Variants in AFF2 observed in about 807,000 individuals in gnomAD.
AFF2 encodes the protein ALF transcription elongation factor 2.
In AFF2, 14 loss-of-function variants were observed where a neutral mutation model predicts 76.9. The observed-to-expected ratio is 0.18, with a 90% CI of 0.12 to 0.28. The LOEUF (loss-of-function observed/expected upper bound fraction) is 0.28, where lower values mean the gene tolerates loss of function less well. AFF2 is among the 10% of genes least tolerant of loss of function. The pLI, the probability that AFF2 is intolerant of heterozygous loss-of-function variation, is 1.00. For synonymous variants in AFF2, 398 were observed against 366.7 expected (o/e 1.09, Z -0.98); for missense variants, 868 against 1,001.1 (o/e 0.87, Z 1.79).
chrX:148,871,786 C>T, intron 7 of AFF2, among the ~76,000 whole-genome samples: 1 of 111,567 alleles, frequency 9.0e-6, no homozygotes. Context: ...ATCCAGACAG[C>T]TGTCTCTTTA....
rs1557243811 is a variant in AFF2 at position 148,578,333 on chromosome X, T to A, written c.48-73666T>A. Among the ~76,000 whole-genome samples, 3 of 111,364 alleles carry A rather than the reference T, an allele frequency of 2.7e-5. No homozygotes were observed. In the South Asian group the frequency reaches 1.1e-3, roughly 42 times the overall value. On this transcript the variant is annotated intron_variant, in intron 1 of 20. Transcript: ENST00000370460. ...TGATAACTTCCCAGCATCCTTCTTC[T>A]GCCTCATCATTTTTCTAGATTATTT...
intron 1 of AFF2, among the ~76,000 whole-genome samples, chrX:148,532,171 A>G (rs782634442): frequency 1.8e-5 from 2 of 112,226 alleles, no homozygotes; most frequent in East Asian, 5.6e-4. Flanking sequence ...TTGCTAACAG[A>G]CCGTACTGTT....
chrX:148,568,567 A>G (rs782227608), intron 1 of AFF2, among the ~76,000 whole-genome samples: 5 of 112,131 alleles, frequency 4.5e-5, no homozygotes, highest in South Asian at 3.7e-4. Flanking sequence ...ATTTTGCTTC[A>G]ACCTGACATG....
chrX:148,796,480 A>G (rs1276432033), intron 3 of AFF2, among the ~76,000 whole-genome samples: 4 of 112,431 alleles, frequency 3.6e-5, no homozygotes, highest in African/African-American at 1.3e-4. Flanking sequence ...ACCACTAGAA[A>G]TAATCTCCAT....
intron 2 of AFF2, among the ~76,000 whole-genome samples, chrX:148,659,623 G>T (rs1439253106): frequency 1.8e-5 from 2 of 112,385 alleles, no homozygotes; most frequent in Admixed American, 9.4e-5. Flanking sequence ...GACCCAAGAG[G>T]TAATCTGTTT....
chrX:148,737,228 T>C (rs1217538986), intron 3 of AFF2, among the ~76,000 whole-genome samples: 2 of 112,084 alleles, frequency 1.8e-5, no homozygotes, highest in African/African-American at 6.5e-5. Flanking sequence ...TTTTATAATA[T>C]TGATTCTACC....
chrX:148,934,008 T>C (rs891459392), intron 9 of AFF2, among the ~76,000 whole-genome samples: 8 of 111,852 alleles, frequency 7.2e-5, no homozygotes, highest in Non-Finnish European at 1.5e-4. Context: ...AAATCAACTA[T>C]GGCGCTTGTT....
At chrX:148,591,023 G>T (rs1018007058) in intron 1 of AFF2, among the ~76,000 whole-genome samples, 1 of 111,812 alleles carries the variant, frequency 8.9e-6, no homozygotes, top group Non-Finnish European at 1.9e-5. Flanking sequence ...TGAATTACCC[G>T]TGTTGCCCTC....
intron 10 of AFF2, 59 bp downstream of exon 10, chrX:148,953,798 AAC>A (rs1320518499): frequency 1.9e-3 from 1,569 of 815,126 alleles, no homozygotes; most frequent in Non-Finnish European, 2.3e-3. Flanking sequence ...CAGCACCCTC[AAC>A]ACACACACAC....
chrX:148,753,352 G>A (rs1557266639), intron 3 of AFF2, among the ~76,000 whole-genome samples: 1 of 111,654 alleles, frequency 9.0e-6, no homozygotes, highest in African/African-American at 3.3e-5. Flanking sequence ...TTTTTAATTT[G>A]TATTTTTGCT....
At chrX:148,954,936 G>A (rs1305756360) in intron 10 of AFF2, among the ~76,000 whole-genome samples, 2 of 112,499 alleles carry the variant, frequency 1.8e-5, no homozygotes, top group African/African-American at 3.2e-5. Flanking sequence ...TCAAGGACCC[G>A]AATAGTATGT....
Position 148,885,890 on chromosome X carries a change from A to T in AFF2, c.1264A>T (p.Met422Leu), listed in dbSNP as rs1206219386. 8 of 1,203,666 alleles carry T rather than the reference A, an allele frequency of 6.6e-6. No individual in the cohort carries two copies. Among genetic ancestry groups the T allele is most frequent in the Non-Finnish European group, 9.0e-6 (8 of 890,010 alleles). The change falls in exon 8 of 21, where the codon ATG becomes TTG. Residue 422 changes from methionine to leucine, a missense_variant and splice_region_variant. Around this residue, in one of 6 missense-constraint regions of AFF2, gnomAD observed 532 missense variants for 564.2 expected, o/e 0.94. Transcript: ENST00000370460. ...AACACCACTCTGATCTCTTTGTAGG[A>T]TGCTTGAGGATGACCTGAAGCTGAG... ...ASTKSVSFKS[M>L]LEDDLKLSSD...
intron 7 of AFF2, among the ~76,000 whole-genome samples, chrX:148,875,736 G>A (rs1411095666): frequency 1.8e-5 from 2 of 111,151 alleles, no homozygotes; most frequent in Non-Finnish European, 3.8e-5. Flanking sequence ...GGTGAGGGAT[G>A]GATATAAAAT....
At chrX:148,622,911 C>T (rs2053883350) in intron 1 of AFF2, among the ~76,000 whole-genome samples, 2 of 111,494 alleles carry the variant, frequency 1.8e-5, no homozygotes, top group South Asian at 3.7e-4. Flanking sequence ...ACTGAGTTGT[C>T]ACTAACCTTT....
intron 3 of AFF2, among the ~76,000 whole-genome samples, chrX:148,695,257 C>T (rs1376543994): frequency 8.9e-6 from 1 of 111,981 alleles, no homozygotes; most frequent in Non-Finnish European, 1.9e-5. Context: ...TATGGTCAGG[C>T]CCCATCTGGT....
At chrX:148,884,277 C>T (rs2071130806) in intron 7 of AFF2, among the ~76,000 whole-genome samples, 1 of 112,141 alleles carries the variant, frequency 8.9e-6, no homozygotes. Flanking sequence ...TTGTCCTTCC[C>T]AGCAATCATC....
chrX:148,569,021 C>T (rs1448333592), intron 1 of AFF2, among the ~76,000 whole-genome samples: 2 of 111,118 alleles, frequency 1.8e-5, no homozygotes, highest in Non-Finnish European at 3.8e-5. Flanking sequence ...TGAAACTGTT[C>T]TTTGGAAGCA....
At chrX:148,973,640 C>T in intron 16 of AFF2, 33 bp downstream of exon 16, 1 of 1,147,831 alleles carries the variant, frequency 8.7e-7, no homozygotes, top group Non-Finnish European at 1.2e-6. Context: ...TCTTCCTACA[C>T]TCATTTCAGC....
In AFF2 at chrX:148,765,628, A is replaced by T. The variant is rs374634986; in HGVS notation, c.1042-44248A>T. Among the ~76,000 whole-genome samples, 10 of 111,485 alleles carry T rather than the reference A, an allele frequency of 9.0e-5. No individual in the cohort carries two copies. The East Asian group carries it at 2.0e-3, about 22-fold the overall frequency. ...AGGGCTCTTTAAAACCCTGTGAAGGATTAGATTAAAACCTTGTGAAGGTTG... is the reference window on the plus strand; with the variant it reads ...AGGGCTCTTTAAAACCCTGTGAAGGTTTAGATTAAAACCTTGTGAAGGTTG... On this transcript the variant is annotated intron_variant, in intron 3 of 20. Coordinates refer to ENST00000370460, the MANE Select transcript of AFF2 (RefSeq NM_002025.4).
Sources: allele counts gnomAD v4.1 joint callset (sites outside exome capture counted in the v4.1 genomes callset), GRCh38; gene constraint gnomAD v4.1.1; regional missense constraint gnomAD v4.1.1; transcripts MANE v1.5; gene names NCBI Gene and HGNC (gene_info 2026-07-23, HGNC 2026-07-21).